The following FBXO24 variants were observed in gnomAD, a reference collection of about 807,000 sequenced individuals.
The protein encoded by FBXO24 is F-box protein 24.
FBXO24 carries 30 observed loss-of-function variants against 63.5 expected under a neutral mutation model. That is an observed-to-expected ratio of 0.47 (90% confidence interval 0.35 to 0.64). FBXO24 has a LOEUF of 0.64. Ranked by LOEUF, FBXO24 falls within the 30% of genes least tolerant of loss-of-function variation. The pLI is 0.00. For missense variants in FBXO24, 624 were observed against 763.4 expected (o/e 0.82, Z 2.15); for synonymous variants, 300 against 305.0 (o/e 0.98, Z 0.17).
chr7:100,595,272 A>G (rs1478138368), intron 7 of FBXO24, 49 bp downstream of exon 7: 1 of 1,613,290 alleles, frequency 6.2e-7, no homozygotes. Context: ...CGCTGTAGGG[A>G]TTGGAAGGTC....
intron 4 of FBXO24, chr7:100,592,396 A>G (rs1802074525): frequency 3.8e-6 from 1 of 263,558 alleles, no homozygotes; most frequent in African/African-American, 2.2e-5. Flanking sequence ...CTTACATGGC[A>G]GCAGGCGAGA....
rs564396138 is a variant in FBXO24, at chr7:100,589,671, G to C, written c.40-306G>C. ...GTGGGAAAGCCAGCAGGAACGGGGG[G>C]GCCAAGGGCCTAGGAGACAGGAGGG... On this transcript the variant is annotated intron_variant, in intron 1 of 9. Coordinates refer to ENST00000241071, the MANE Select transcript of FBXO24 (RefSeq NM_033506.3). 9.2e-6 allele frequency: 14 copies of C among 1,517,018 alleles called. No homozygotes were observed. The highest frequency in any genetic ancestry group is 4.3e-5 in the Admixed American group (2 of 46,408). The allele number at this position is 1,517,018 out of a possible 1,614,324, so 94.0% of individuals were successfully genotyped here.
Position 100,591,899 on chromosome 7 carries a change from G to T in FBXO24, c.555G>T (p.Lys185Asn). 1 of 1,614,140 alleles carries T rather than the reference G, an allele frequency of 6.2e-7. No homozygotes were observed. The highest frequency in any genetic ancestry group is 8.5e-7 in the Non-Finnish European group (1 of 1,179,984). ...ATGTTGTGTTGTGTCGTGGAGCCAA[G>T]GATGTGAGTAGCAGAACCCTGGCAG... ...CRYVVLCRGA[K>N]DFASDPRCDT... Residue 185 changes from lysine (K) to asparagine (N), a missense_variant, in exon 4 of 10, where the codon AAG (lysine) becomes AAT (asparagine). Around this residue, in one of 3 missense-constraint regions of FBXO24, gnomAD observed 391 missense variants for 469.1 expected, o/e 0.83. Transcript: ENST00000241071.
chr7:100,588,204 C>T (rs950813576), intron 1 of FBXO24, among the ~76,000 whole-genome samples: 2 of 152,204 alleles, frequency 1.3e-5, no homozygotes, highest in African/African-American at 4.8e-5. Context: ...CTATTCACAA[C>T]CTCTCGTTTG....
chr7:100,598,785 T>G (rs1217108654), intron 8 of FBXO24, among the ~76,000 whole-genome samples: 7 of 152,180 alleles, frequency 4.6e-5, no homozygotes, highest in Non-Finnish European at 8.8e-5. Flanking sequence ...GGGACCAGCC[T>G]GGGCAACATG....
intron 1 of FBXO24, among the ~76,000 whole-genome samples, chr7:100,588,927 A>G (rs911515709): frequency 3.9e-4 from 59 of 151,998 alleles, no homozygotes; most frequent in African/African-American, 1.3e-3. Flanking sequence ...GGCTCAAGCA[A>G]TCCTCCTGCC....
At chr7:100,595,311 T>C in intron 7 of FBXO24, 88 bp downstream of exon 7, 1 of 1,589,884 alleles carries the variant, frequency 6.3e-7, no homozygotes, top group East Asian at 2.2e-5. Context: ...AGATTATTGA[T>C]CCAGAGGGGC....
In FBXO24 at chr7:100,600,538, C is replaced by G; in HGVS notation, c.1382C>G (p.Pro461Arg). Residue 461 changes from proline to arginine, a missense_variant, in exon 10 of 10, where the codon CCT becomes CGT. Around this residue, in one of 3 missense-constraint regions of FBXO24, gnomAD observed 216 missense variants for 245.2 expected, o/e 0.88. Transcript: ENST00000241071. This position sits in a 1 kb window ranked among gnomAD's most constrained non-coding sequence, Gnocchi z 6.3. ...ASFVKLQVKV[P>R]LCACALCATR... ...CCCTTTCTCTCCTCCTCCAAGGTCCCTCTGTGTGCCTGTGCCCTCTGTGCC... is the reference window on the plus strand; with the variant it reads ...CCCTTTCTCTCCTCCTCCAAGGTCCGTCTGTGTGCCTGTGCCCTCTGTGCC... 6.4e-7 allele frequency: 1 copy of G among 1,551,182 alleles called. No individual in the cohort carries two copies. The highest frequency in any genetic ancestry group is 8.7e-7 in the Non-Finnish European group (1 of 1,147,832).
intron 1 of FBXO24, among the ~76,000 whole-genome samples, chr7:100,588,822 T>C (rs955143347): frequency 6.6e-6 from 1 of 151,936 alleles, no homozygotes; most frequent in African/African-American, 2.4e-5. Flanking sequence ...GCAAAAGCAG[T>C]CTTCTTTTTT....
chr7:100,590,969 C>G (rs918060639), intron 3 of FBXO24, among the ~76,000 whole-genome samples: 1 of 151,700 alleles, frequency 6.6e-6, no homozygotes, highest in African/African-American at 2.4e-5. Flanking sequence ...GATGACCGGC[C>G]TTCATCAATC....
intron 8 of FBXO24, among the ~76,000 whole-genome samples, chr7:100,597,850 C>T (rs1057285213): frequency 2.6e-5 from 4 of 151,784 alleles, no homozygotes; most frequent in African/African-American, 7.3e-5. Flanking sequence ...TACAGGAATG[C>T]GCCACTACGC....
intron 1 of FBXO24, chr7:100,589,735 G>T: frequency 6.5e-7 from 1 of 1,547,758 alleles, no homozygotes; most frequent in Non-Finnish European, 8.7e-7. Context: ...GTCAGGGGAA[G>T]CCAGAGACGG....
chr7:100,586,639 C>A lies in FBXO24; in HGVS notation c.14C>A (p.Ala5Glu). 6.2e-7 allele frequency: 1 copy of A among 1,614,190 alleles called. No homozygotes were observed. The highest frequency in any genetic ancestry group is 1.1e-5 in the South Asian group (1 of 91,082). Reference sequence around the variant, plus strand: ...CCTACCAATAGCATGGGCGAGAAGGCGGTCCCTTTGCTAAGGAGGAGGCGG... The same window carrying A: ...CCTACCAATAGCATGGGCGAGAAGGAGGTCCCTTTGCTAAGGAGGAGGCGG... MGEK[A>E]VPLLRRRRVK... Residue 5 changes from alanine to glutamate, a missense_variant, in exon 1 of 10, where the codon GCG becomes GAG. This residue lies in a region of FBXO24 where 391 missense variants were observed against 469.1 expected (regional missense o/e 0.83). Coordinates refer to ENST00000241071, the MANE Select transcript of FBXO24 (RefSeq NM_033506.3).
At position 100,595,583 on chromosome 7, in the gene FBXO24, C is replaced by T. The variant is rs201194460; in HGVS notation, c.1083C>T (p.Phe361=). The T allele has an allele frequency of 5.0e-6, 8 of 1,608,568 alleles. No homozygotes were observed. The highest frequency in any genetic ancestry group is 5.9e-6 in the Non-Finnish European group (7 of 1,176,620). The change falls in exon 8 of 10, where the codon TTC becomes TTT. Residue 361 remains phenylalanine, a synonymous_variant. Transcript: ENST00000241071. ...TCTATCTTGCACGCTAGATCCTATT[C>T]TGTGCTCTTGGCTACAACCACCTTG... is the stretch of plus-strand genomic sequence containing the variant. ...LALSLPAKIL[F]CALGYNHLGL...
Position 100,594,001 on chromosome 7 carries a change from G to T in FBXO24, c.794-382G>T, listed in dbSNP as rs928966715. 5.9e-5 allele frequency among the ~76,000 whole-genome samples: 9 copies of T among 151,956 alleles called. No individual in the cohort carries two copies. Among genetic ancestry groups the T allele is most frequent in the African/African-American group, 2.2e-4 (9 of 41,368 alleles). The stretch of plus-strand genomic sequence containing the variant: ...GGGGTCTTGCTATGTTGCCCAGGCT[G>T]GTCTCGAACTCCCTGCCTCAAGTGA... On this transcript the variant is annotated intron_variant, in intron 5 of 9. Transcript: ENST00000241071. This position sits in a 1 kb window ranked among gnomAD's most constrained non-coding sequence, Gnocchi z 4.2.
rs887534289 is a variant in FBXO24 at position 100,594,208 on chromosome 7, G to A, written c.794-175G>A. The stretch of plus-strand genomic sequence containing the variant: ...ATCTCTCATGCTGAAGTACTTCCCT[G>A]ATTTATGGTGGGAACTGGAGTCTGG... On this transcript the variant is annotated intron_variant, in intron 5 of 9. Coordinates refer to ENST00000241071, the MANE Select transcript of FBXO24 (RefSeq NM_033506.3). The surrounding 1 kb of genome is among the most constrained non-coding windows in gnomAD (Gnocchi z 4.2). Among the ~76,000 whole-genome samples the A allele has an allele frequency of 6.6e-6, 1 of 152,156 alleles. No homozygotes were observed. The highest frequency in any genetic ancestry group is 2.4e-5 in the African/African-American group (1 of 41,428).
chr7:100,592,904 A>C lies in FBXO24; in HGVS notation c.680A>C (p.Tyr227Ser), dbSNP rs1471455655. The stretch of plus-strand genomic sequence containing the variant: ...CGGGCCTGTGACTGTGTTGAGGTCT[A>C]TCTGCAGTCTAGTGGGCAGCGGGTC... ...SSRACDCVEV[Y>S]LQSSGQRVFK... The change falls in exon 5 of 10, where the codon TAT (tyrosine) becomes TCT (serine). Residue 227 changes from tyrosine to serine, a missense_variant. Physicochemically the swap from Tyr to Ser is moderately radical, Grantham distance 144. Around this residue, in one of 3 missense-constraint regions of FBXO24, gnomAD observed 391 missense variants for 469.1 expected, o/e 0.83. Coordinates refer to ENST00000241071, the MANE Select transcript of FBXO24 (RefSeq NM_033506.3). 7 of 1,614,192 alleles carry C rather than the reference A, an allele frequency of 4.3e-6. No individual in the cohort carries two copies. In the East Asian group the frequency reaches 8.9e-5, roughly 21 times the overall value.
In FBXO24 at chr7:100,588,117, A is replaced by G. The variant is rs192890942; in HGVS notation, c.39+1453A>G. Among the ~76,000 whole-genome samples, 134 of 152,006 alleles carry G rather than the reference A, an allele frequency of 8.8e-4. 1 individual carries two copies. The highest frequency in any genetic ancestry group is 3.1e-3 in the African/African-American group (130 of 41,434). ...TGATCTCAAACTCCTGGGCTCAAGCAATGCTCCCACCTCGGCCTCCCGAAG... is the reference window on the plus strand; with the variant it reads ...TGATCTCAAACTCCTGGGCTCAAGCGATGCTCCCACCTCGGCCTCCCGAAG... On this transcript the variant is annotated intron_variant, in intron 1 of 9. Coordinates refer to ENST00000241071, the MANE Select transcript of FBXO24 (RefSeq NM_033506.3).
At position 100,594,813 on chromosome 7, in the gene FBXO24, G is replaced by C. The variant is rs2131271025; in HGVS notation, c.952+272G>C. ...TAAAATACAAAAATTAGCTGGGTGT[G>C]ATGGCAGGCGCCTGTAATCCCAGCT... On this transcript the variant is annotated intron_variant, in intron 6 of 9. Transcript: ENST00000241071. The surrounding 1 kb of genome is among the most constrained non-coding windows in gnomAD (Gnocchi z 4.2). 6.6e-6 allele frequency among the ~76,000 whole-genome samples: 1 copy of C among 152,276 alleles called. No individual in the cohort carries two copies. Among genetic ancestry groups the C allele is most frequent in the African/African-American group, 2.4e-5 (1 of 41,550 alleles).
Sources: gnomAD v4.1 joint callset for allele counts (sites outside exome capture counted in the v4.1 genomes callset) on GRCh38, gnomAD v4.1.1 for gene constraint, gnomAD v4.1.1 regional missense constraint, Gnocchi (gnomAD v3.1) non-coding constraint, MANE v1.5 for transcripts, NCBI Gene and HGNC (gene_info 2026-07-23, HGNC 2026-07-21) for gene names.